The following NRXN3 variants were observed in gnomAD, a reference collection of about 807,000 sequenced individuals.
NRXN3 encodes the protein neurexin 3.
Under a neutral mutation model 137.6 loss-of-function variants are expected in NRXN3, and 32 were observed. The ratio of observed to expected loss-of-function variants is 0.23; its 90% CI spans 0.18 to 0.31. The LOEUF is 0.31. Among genes scored for constraint, NRXN3 ranks in the 10% least tolerant of loss-of-function variants. The pLI is 1.00. For missense variants in NRXN3, 1,574 were observed against 2,062.5 expected (o/e 0.76, Z 4.59); for synonymous variants, 798 against 784.5 (o/e 1.02, Z -0.29).
intron 4 of NRXN3, among the ~76,000 whole-genome samples, chr14:78,610,724 C>T (rs531516471): frequency 6.6e-6 from 1 of 152,152 alleles, no homozygotes; most frequent in African/African-American, 2.4e-5. Context: ...AAGCCATTCT[C>T]TAAGGTTGAC....
intron 15 of NRXN3, among the ~76,000 whole-genome samples, chr14:79,454,231 A>C (rs1013120908): frequency 6.6e-6 from 1 of 151,986 alleles, no homozygotes; most frequent in African/African-American, 2.4e-5. Context: ...CTACAGGTGC[A>C]TGCCACCAAG....
At chr14:78,816,013 A>G (rs921713071) in intron 10 of NRXN3, among the ~76,000 whole-genome samples, 2 of 152,180 alleles carry the variant, frequency 1.3e-5, no homozygotes, top group East Asian at 3.8e-4. Flanking sequence ...CAGAGTTTCT[A>G]TCTTCATAAC....
intron 4 of NRXN3, among the ~76,000 whole-genome samples, chr14:78,393,772 CTTCT>C (rs2091083850): frequency 2.0e-5 from 3 of 151,852 alleles, no homozygotes; most frequent in Admixed American, 2.0e-4. Context: ...TTATTAAGAC[CTTCT>C]TTGATTTTTA....
At chr14:79,089,192 C>T (rs2048696477) in intron 15 of NRXN3, among the ~76,000 whole-genome samples, 2 of 151,962 alleles carry the variant, frequency 1.3e-5, no homozygotes, top group Admixed American at 1.3e-4. Flanking sequence ...AGACATGTAC[C>T]CCTTGCTTCA....
At chr14:79,136,913 C>T (rs1383629533) in intron 15 of NRXN3, among the ~76,000 whole-genome samples, 2 of 152,172 alleles carry the variant, frequency 1.3e-5, no homozygotes, top group Non-Finnish European at 2.9e-5. Context: ...TGGAAAAGAG[C>T]TCAGAAAACT....
intron 7 of NRXN3, among the ~76,000 whole-genome samples, chr14:78,713,096 T>C (rs1295359460): frequency 6.6e-6 from 1 of 152,198 alleles, no homozygotes; most frequent in African/African-American, 2.4e-5. Flanking sequence ...ATTTCCTTAA[T>C]TTTCCAGTTC....
chr14:79,773,140 G>A (rs1160918409), intron 19 of NRXN3, among the ~76,000 whole-genome samples: 1 of 152,182 alleles, frequency 6.6e-6, no homozygotes, highest in East Asian at 1.9e-4. Flanking sequence ...AGGTGCTGGA[G>A]AAGATGTGGA....
At chr14:78,351,036 G>A (rs1355558511) in intron 4 of NRXN3, among the ~76,000 whole-genome samples, 1 of 152,128 alleles carries the variant, frequency 6.6e-6, no homozygotes, top group Non-Finnish European at 1.5e-5. Flanking sequence ...ATTGCCAGAG[G>A]CAATCTTTGC....
chr14:79,489,757 C>T (rs954831890), intron 16 of NRXN3, among the ~76,000 whole-genome samples: 3 of 151,976 alleles, frequency 2.0e-5, no homozygotes, highest in East Asian at 1.9e-4. Context: ...CTGGTAATTT[C>T]GGCCGGGCGT....
intron 19 of NRXN3, among the ~76,000 whole-genome samples, chr14:79,758,734 G>T (rs959451456): frequency 1.3e-5 from 2 of 152,186 alleles, no homozygotes; most frequent in Admixed American, 1.3e-4. Flanking sequence ...ACCAGAGATA[G>T]TGTGGCTTAG....
At chr14:78,233,194 G>A (rs898481619) in intron 1 of NRXN3, among the ~76,000 whole-genome samples, 2 of 152,122 alleles carry the variant, frequency 1.3e-5, no homozygotes, top group African/African-American at 4.8e-5. Context: ...GCACATCCTG[G>A]AAGGTGTATT....
At chr14:78,965,292 A>G (rs1322644605) in intron 11 of NRXN3, among the ~76,000 whole-genome samples, 2 of 152,076 alleles carry the variant, frequency 1.3e-5, no homozygotes, top group African/African-American at 4.8e-5. Flanking sequence ...CTCAGGCCTC[A>G]CCCCAGACTT....
intron 15 of NRXN3, among the ~76,000 whole-genome samples, chr14:79,335,033 C>T (rs1393286890): frequency 6.6e-6 from 1 of 152,088 alleles, no homozygotes; most frequent in East Asian, 1.9e-4. Flanking sequence ...GGAGGTTACC[C>T]AGCCTCCATG....
chr14:79,397,030 A>G (rs2095047005), intron 15 of NRXN3, among the ~76,000 whole-genome samples: 1 of 152,174 alleles, frequency 6.6e-6, no homozygotes, highest in Non-Finnish European at 1.5e-5. Flanking sequence ...GGGAGCTGTT[A>G]GGAAGGCCAG....
At chr14:78,924,640 C>CT (rs1597435691) in intron 10 of NRXN3, among the ~76,000 whole-genome samples, 1 of 152,200 alleles carries the variant, frequency 6.6e-6, no homozygotes, top group East Asian at 1.9e-4. Context: ...TCTTAAAAGT[C>CT]TTTTCTAAAA....
chr14:78,806,724 C>A (rs1467403423), intron 9 of NRXN3, among the ~76,000 whole-genome samples: 1 of 152,160 alleles, frequency 6.6e-6, no homozygotes, highest in Non-Finnish European at 1.5e-5. Flanking sequence ...CTCAGCACAA[C>A]TTTTAAAAAG....
chr14:79,576,571 C>G (rs7154918), intron 16 of NRXN3, among the ~76,000 whole-genome samples: 2 of 151,924 alleles, frequency 1.3e-5, no homozygotes, highest in African/African-American at 4.8e-5. Context: ...AATGGGAAGA[C>G]GGGTCTATTT....
chr14:78,350,440 T>G (rs1034617222), intron 4 of NRXN3, among the ~76,000 whole-genome samples: 2 of 151,708 alleles, frequency 1.3e-5, no homozygotes, highest in African/African-American at 4.8e-5. Context: ...AACAAAAGCA[T>G]GTAGGAGTTG....
chr14:79,277,344 T>C (rs1415182304), intron 15 of NRXN3, among the ~76,000 whole-genome samples: 2 of 152,234 alleles, frequency 1.3e-5, no homozygotes, highest in African/African-American at 4.8e-5. Context: ...CAGAGTCATC[T>C]AGGCCGCCTT....
Sources: allele counts gnomAD v4.1 joint callset (sites outside exome capture counted in the v4.1 genomes callset), GRCh38; gene constraint gnomAD v4.1.1; transcripts MANE v1.5; gene names NCBI Gene and HGNC (gene_info 2026-07-23, HGNC 2026-07-21).